FAM168A: variants seen among roughly 807,000 people sequenced by gnomAD.
The protein encoded by FAM168A is family with sequence similarity 168 member A, also known as protein FAM168A.
A neutral mutation model predicts 28.5 loss-of-function variants in FAM168A; 3 were observed. The observed-to-expected ratio is 0.11, with a 90% CI of 0.05 to 0.27. The LOEUF (loss-of-function observed/expected upper bound fraction) is 0.27, where lower values mean the gene tolerates loss of function less well. FAM168A is among the 10% of genes least tolerant of loss of function. The pLI, the probability that FAM168A is intolerant of heterozygous loss-of-function variation, is 1.00. For synonymous variants in FAM168A, 122 were observed against 124.2 expected (o/e 0.98, Z 0.12); for missense variants, 222 against 311.5 (o/e 0.71, Z 2.16).
chr11:73,499,781 T>G (rs942272224), intron 1 of FAM168A, among the ~76,000 whole-genome samples: 6 of 150,484 alleles, frequency 4.0e-5, no homozygotes, highest in Non-Finnish European at 5.9e-5. Context: ...TATCAGAGTT[T>G]GAAGACCACT....
chr11:73,468,279 T>C, intron 2 of FAM168A, 126 bp downstream of exon 2: 1 of 757,584 alleles, frequency 1.3e-6, no homozygotes, highest in Admixed American at 2.7e-5. Context: ...ACCTCAGACA[T>C]ATCTTCTGCA....
intron 1 of FAM168A, among the ~76,000 whole-genome samples, chr11:73,496,298 G>A (rs1194945470): frequency 6.6e-6 from 1 of 152,196 alleles, no homozygotes; most frequent in African/African-American, 2.4e-5. Flanking sequence ...TAAAATGGTG[G>A]TTACCAAGGT....
At chr11:73,484,881 A>G (rs1012209925) in intron 1 of FAM168A, among the ~76,000 whole-genome samples, 7 of 152,024 alleles carry the variant, frequency 4.6e-5, no homozygotes, top group Admixed American at 2.6e-4. Flanking sequence ...ATGTTCAAGG[A>G]CAGGAAGCAT....
At chr11:73,560,900 A>C (rs1244865598) in intron 1 of FAM168A, among the ~76,000 whole-genome samples, 1 of 151,948 alleles carries the variant, frequency 6.6e-6, no homozygotes, top group Non-Finnish European at 1.5e-5. Context: ...GTCTCGACTA[A>C]AAATACAAAA....
At chr11:73,425,284 C>G (rs1402518411) in intron 3 of FAM168A, among the ~76,000 whole-genome samples, 1 of 152,204 alleles carries the variant, frequency 6.6e-6, no homozygotes, top group African/African-American at 2.4e-5. Context: ...TTCCAGACAG[C>G]TGACCCAGAG....
chr11:73,466,448 T>C (rs1867737336), intron 2 of FAM168A, among the ~76,000 whole-genome samples: 1 of 152,238 alleles, frequency 6.6e-6, no homozygotes, highest in South Asian at 2.1e-4. Flanking sequence ...TGAATTAAAC[T>C]ACCATAGTTT....
intron 1 of FAM168A, among the ~76,000 whole-genome samples, chr11:73,476,238 G>A (rs61896588): frequency 0.05 from 7,533 of 152,150 alleles, 233 homozygotes; most frequent in Non-Finnish European, 0.077. Context: ...CCTGGCCTGC[G>A]TTTAATCAGA....
chr11:73,514,369 T>C (rs7105802), intron 1 of FAM168A, among the ~76,000 whole-genome samples: 12,582 of 152,222 alleles, frequency 0.083, 1,579 homozygotes, highest in African/African-American at 0.27. Context: ...TGGTGCTTGA[T>C]TGAGAAATTC....
chr11:73,597,911 G>T lies in FAM168A; in HGVS notation c.-19+12C>A, dbSNP rs572126846. ...GGACCAGCGGACCCTGTGGCGGGGG[G>T]AGTCTCCTCACCGGTGAGCAGCTGC... On this transcript the variant is annotated intron_variant, in intron 1 of 7. Coordinates refer to ENST00000356467, the MANE Select transcript of FAM168A (RefSeq NM_015159.3). The T allele has an allele frequency of 0.013, 1,977 of 153,462 alleles. 22 individuals are homozygous for T. Among genetic ancestry groups the T allele is most frequent in the Middle Eastern group, 0.023 (7 of 302 alleles). The allele number at this position is 153,462 out of a possible 1,614,324, so 9.5% of individuals were successfully genotyped here. A position where few individuals can be genotyped will look rare whatever the true frequency, so the allele number is the denominator to read the frequency against.
intron 1 of FAM168A, among the ~76,000 whole-genome samples, chr11:73,532,946 C>G (rs1296082465): frequency 1.3e-5 from 2 of 152,182 alleles, no homozygotes; most frequent in East Asian, 3.8e-4. Flanking sequence ...ACCTGTCCCA[C>G]CAGGCTACTA....
At chr11:73,449,488 G>A (rs542398602) in intron 2 of FAM168A, among the ~76,000 whole-genome samples, 172 of 152,282 alleles carry the variant, frequency 1.1e-3, no homozygotes, top group Non-Finnish European at 2.2e-3. Context: ...CCTTCTTAAG[G>A]CTCCAAGCTC....
intron 2 of FAM168A, among the ~76,000 whole-genome samples, chr11:73,459,358 C>T (rs1345570385): frequency 1.3e-5 from 2 of 151,794 alleles, no homozygotes; most frequent in Non-Finnish European, 2.9e-5. Flanking sequence ...TGGTGGCATG[C>T]GCCTATAGTC....
intron 1 of FAM168A, among the ~76,000 whole-genome samples, chr11:73,537,064 G>C (rs1565288159): frequency 6.6e-6 from 1 of 152,136 alleles, no homozygotes; most frequent in Non-Finnish European, 1.5e-5. Flanking sequence ...CACAAAACAT[G>C]GTGCTTGAGA....
intron 3 of FAM168A, among the ~76,000 whole-genome samples, chr11:73,430,010 AC>A (rs1299315385): frequency 1.3e-5 from 2 of 152,166 alleles, no homozygotes; most frequent in Non-Finnish European, 2.9e-5. Context: ...GGACTTTCTA[AC>A]CACAGAGCCC....
chr11:73,483,424 G>C (rs1454867602), intron 1 of FAM168A, among the ~76,000 whole-genome samples: 1 of 152,136 alleles, frequency 6.6e-6, no homozygotes, highest in Admixed American at 6.5e-5. Context: ...CTATAAAACA[G>C]AAATACTACC....
intron 1 of FAM168A, chr11:73,580,118 T>C (rs769422497): frequency 1.4e-5 from 5 of 345,624 alleles, no homozygotes; most frequent in Non-Finnish European, 2.3e-5. Flanking sequence ...TGTCAAAATA[T>C]AATTGTCAAT....
At chr11:73,407,977 T>C (rs946720755) in intron 6 of FAM168A, among the ~76,000 whole-genome samples, 10 of 152,216 alleles carry the variant, frequency 6.6e-5, no homozygotes, top group Non-Finnish European at 1.3e-4. Context: ...GTTCAAGCGA[T>C]TCTCCCGCGT....
chr11:73,484,544 C>CTATATATCTATA (rs1401594033), intron 1 of FAM168A, among the ~76,000 whole-genome samples: 1 of 134,084 alleles, frequency 7.5e-6, no homozygotes, highest in Non-Finnish European at 1.5e-5. Context: ...ATCTATATAT[C>CTATATATCTATA]TATCTATATC....
At chr11:73,566,902 G>T (rs1944026179) in intron 1 of FAM168A, among the ~76,000 whole-genome samples, 1 of 152,184 alleles carries the variant, frequency 6.6e-6, no homozygotes, top group Non-Finnish European at 1.5e-5. Flanking sequence ...CAATGTAGGT[G>T]GTAGATTTTT....
Sources: allele counts gnomAD v4.1 joint callset (sites outside exome capture counted in the v4.1 genomes callset), GRCh38; gene constraint gnomAD v4.1.1; transcripts MANE v1.5; gene names NCBI Gene and HGNC (gene_info 2026-07-23, HGNC 2026-07-21).